ALDH1A2: variants seen among roughly 807,000 people sequenced by gnomAD.
ALDH1A2 encodes the protein aldehyde dehydrogenase 1 family member A2.
A neutral mutation model predicts 60.3 loss-of-function variants in ALDH1A2; 27 were observed. The ratio of observed to expected loss-of-function variants is 0.45; its 90% CI spans 0.33 to 0.62. ALDH1A2 has a LOEUF of 0.62. Ranked by LOEUF, ALDH1A2 falls within the 20% of genes least tolerant of loss-of-function variation. The pLI is 0.02. For missense variants in ALDH1A2, 581 were observed against 643.8 expected, an observed-to-expected ratio of 0.90 and a Z score of 1.06; for synonymous variants, 289 against 232.4, an observed-to-expected ratio of 1.24 and a Z score of -2.21.
chr15:57,993,159 A>C, intron 5 of ALDH1A2, 86 bp from the exon 6 acceptor site: 1 of 1,502,124 alleles, frequency 6.7e-7, no homozygotes. Context: ...ATATTTCTCA[A>C]ACTAGTCCTC....
intron 12 of ALDH1A2, among the ~76,000 whole-genome samples, chr15:57,956,945 G>C (rs1166452383): frequency 6.6e-6 from 1 of 152,180 alleles, no homozygotes; most frequent in Non-Finnish European, 1.5e-5. Flanking sequence ...GTGACTGTTG[G>C]ATCCTACCGT....
chr15:58,029,580 C>T (rs1325604146), intron 1 of ALDH1A2, among the ~76,000 whole-genome samples: 3 of 83,654 alleles, frequency 3.6e-5, no homozygotes, highest in African/African-American at 1.4e-4. Context: ...CATAAAAATC[C>T]CCTAAAAAAA....
intron 1 of ALDH1A2, among the ~76,000 whole-genome samples, chr15:58,050,964 T>G (rs1896761026): frequency 6.6e-6 from 1 of 152,148 alleles, no homozygotes; most frequent in African/African-American, 2.4e-5. Flanking sequence ...AACCAATAAA[T>G]GAGTGATTTC....
intron 1 of ALDH1A2, among the ~76,000 whole-genome samples, chr15:58,026,292 A>G (rs1346858291): frequency 2.0e-5 from 3 of 152,192 alleles, no homozygotes; most frequent in African/African-American, 4.8e-5. Flanking sequence ...ATCAGCAAAC[A>G]TGATACACTG....
At chr15:57,983,158 C>T (rs1050153743) in intron 7 of ALDH1A2, among the ~76,000 whole-genome samples, 3 of 152,182 alleles carry the variant, frequency 2.0e-5, no homozygotes, top group African/African-American at 7.2e-5. Flanking sequence ...ACTGCATTCG[C>T]TATTGAAAGG....
chr15:58,035,273 G>A (rs1896349214), intron 1 of ALDH1A2, among the ~76,000 whole-genome samples: 1 of 151,472 alleles, frequency 6.6e-6, no homozygotes, highest in African/African-American at 2.4e-5. Context: ...TTCTTCTACT[G>A]TCCGTGGCAG....
intron 7 of ALDH1A2, among the ~76,000 whole-genome samples, chr15:57,989,565 T>C (rs774891789): frequency 3.3e-5 from 5 of 152,074 alleles, no homozygotes; most frequent in Non-Finnish European, 4.4e-5. Flanking sequence ...ACAGAAAAAA[T>C]TATGAGCTCT....
chr15:57,992,624 G>T, intron 7 of ALDH1A2, 81 bp downstream of exon 7: 1 of 1,290,960 alleles, frequency 7.7e-7, no homozygotes, highest in Non-Finnish European at 1.1e-6. Flanking sequence ...TCTAGCCTAT[G>T]GGTACTAGTT....
intron 2 of ALDH1A2, 62 bp from the exon 3 acceptor site, chr15:58,014,060 C>G (rs1275534625): frequency 6.2e-6 from 10 of 1,613,896 alleles, no homozygotes; most frequent in Non-Finnish European, 8.5e-6. Flanking sequence ...GAACCATCCA[C>G]TGTCATGAAA....
chr15:58,060,561 G>C (rs935307389), intron 1 of ALDH1A2, among the ~76,000 whole-genome samples: 1 of 139,760 alleles, frequency 7.2e-6, no homozygotes, highest in Admixed American at 8.1e-5. Flanking sequence ...CCATGTAGCT[G>C]ATAAGTACCT....
At chr15:58,060,654 C>T (rs1220236742) in intron 1 of ALDH1A2, among the ~76,000 whole-genome samples, 1 of 151,986 alleles carries the variant, frequency 6.6e-6, no homozygotes, top group African/African-American at 2.4e-5. Context: ...CAAGTTTTTT[C>T]TAAAATGTGG....
At chr15:57,987,644 G>A (rs980418771) in intron 7 of ALDH1A2, among the ~76,000 whole-genome samples, 1 of 152,176 alleles carries the variant, frequency 6.6e-6, no homozygotes, top group African/African-American at 2.4e-5. Context: ...ACTTTGGGAG[G>A]CCGAGGCGGG....
At chr15:58,005,363 T>C (rs1300515797) in intron 4 of ALDH1A2, among the ~76,000 whole-genome samples, 2 of 147,216 alleles carry the variant, frequency 1.4e-5, no homozygotes, top group East Asian at 4.2e-4. Flanking sequence ...TTTTTCTTAC[T>C]GTCCTATAAA....
chr15:57,963,417 G>T (rs978221381), intron 9 of ALDH1A2, among the ~76,000 whole-genome samples: 15 of 149,152 alleles, frequency 1.0e-4, no homozygotes, highest in Non-Finnish European at 1.9e-4. Flanking sequence ...GGCACAGTCT[G>T]TAAGCTCCAT....
At chr15:57,996,626 G>A (rs8024915) in intron 4 of ALDH1A2, among the ~76,000 whole-genome samples, 1 of 150,852 alleles carries the variant, frequency 6.6e-6, no homozygotes, top group Admixed American at 6.6e-5. Flanking sequence ...GTCACTTTCA[G>A]TTTAGGCTAT....
chr15:58,045,908 T>C (rs577560829), intron 1 of ALDH1A2, among the ~76,000 whole-genome samples: 2 of 152,176 alleles, frequency 1.3e-5, no homozygotes, highest in South Asian at 4.1e-4. Flanking sequence ...AAATTCATAA[T>C]GGTACTTTAT....
At chr15:57,955,375 G>C in intron 12 of ALDH1A2, 106 bp from the exon 13 acceptor site, 5 of 1,119,498 alleles carry the variant, frequency 4.5e-6, no homozygotes, top group Middle Eastern at 2.6e-4. Context: ...CGAACAGCAA[G>C]TCCTGGGATG....
rs370984787 is a variant in ALDH1A2 at position 57,998,596 on chromosome 15, A to G, written c.494-3457T>C. ...AAACATTCCATGCTCATGGATAGGA[A>G]GAATCAATACCATGAAAATGGCTAT... On this transcript the variant is annotated intron_variant, in intron 4 of 12. Transcript: ENST00000249750. 2.6e-5 allele frequency among the ~76,000 whole-genome samples: 4 copies of G among 152,214 alleles called. No homozygotes were observed. The South Asian group carries it at 8.3e-4, about 32-fold the overall frequency.
At chr15:58,024,556 A>G (rs1449240606) in intron 1 of ALDH1A2, among the ~76,000 whole-genome samples, 2 of 152,206 alleles carry the variant, frequency 1.3e-5, no homozygotes, top group African/African-American at 4.8e-5. Flanking sequence ...GAGCACCCAG[A>G]TTCATAGAGC....
Sources: allele counts gnomAD v4.1 joint callset (sites outside exome capture counted in the v4.1 genomes callset), GRCh38; gene constraint gnomAD v4.1.1; transcripts MANE v1.5; gene names NCBI Gene and HGNC (gene_info 2026-07-23, HGNC 2026-07-21).